Variants in ARHGAP10 observed in about 807,000 individuals in gnomAD.
ARHGAP10 encodes Rho GTPase activating protein 10.
ARHGAP10 carries 87 observed loss-of-function variants against 108.6 expected under a neutral mutation model. The observed-to-expected ratio is 0.80, with a 90% confidence interval of 0.67 to 0.96. The LOEUF is 0.96. ARHGAP10 is among the 40% of genes least tolerant of loss of function. The probability of loss-of-function intolerance (pLI) is 0.00; values close to 1 mark genes in which losing one functional copy is unlikely to be tolerated. For synonymous variants in ARHGAP10, 347 were observed against 341.1 expected (o/e 1.02, Z -0.19); for missense variants, 939 against 954.5 (o/e 0.98, Z 0.21).
At chr4:147,752,096 G>A (rs1443970076) in intron 1 of ARHGAP10, among the ~76,000 whole-genome samples, 1 of 152,060 alleles carries the variant, frequency 6.6e-6, no homozygotes, top group African/African-American at 2.4e-5. Flanking sequence ...TATTGGCCAG[G>A]ATGGTCTTGA....
chr4:147,914,143 T>C (rs1219908813), intron 13 of ARHGAP10, among the ~76,000 whole-genome samples: 3 of 152,086 alleles, frequency 2.0e-5, no homozygotes, highest in Non-Finnish European at 2.9e-5. Flanking sequence ...TAGAGCGAGA[T>C]TGCATCTCAA....
rs140577889 is a variant in ARHGAP10, at chr4:147,796,727, G to A, written c.155-26000G>A. Among the ~76,000 whole-genome samples, 624 of 152,054 alleles carry A rather than the reference G, an allele frequency of 4.1e-3. 5 individuals carry two copies. The highest frequency in any genetic ancestry group is 0.014 in the African/African-American group (583 of 41,460). ...TTTTTAGTAGAGACGGGGTTTCACC[G>A]TGTTAACCAGGATGGTCTCAATCTC... On this transcript the variant is annotated intron_variant, in intron 1 of 22. Coordinates refer to ENST00000336498, the MANE Select transcript of ARHGAP10 (RefSeq NM_024605.4).
intron 1 of ARHGAP10, among the ~76,000 whole-genome samples, chr4:147,820,627 A>G (rs1311660816): frequency 3.7e-5 from 3 of 82,152 alleles, no homozygotes; most frequent in South Asian, 4.1e-4. Flanking sequence ...GGGTCTCCCT[A>G]TTGCCTAGGC....
At chr4:148,042,279 A>G (rs1420058374) in intron 19 of ARHGAP10, among the ~76,000 whole-genome samples, 1 of 152,186 alleles carries the variant, frequency 6.6e-6, no homozygotes. Flanking sequence ...ATAACTGAAT[A>G]TCTTTTGAAG....
chr4:147,875,144 GA>G lies in ARHGAP10; in HGVS notation c.832del (p.Arg278GlyfsTer25), dbSNP rs1449430690. Reference protein sequence around the residue: ...FTAEGYLYVQEKRPAPFGSSW... With the variant: ...FTAEGYLYVQXKRPAPFGSSW... ...AGCCGAAGGCTACCTGTATGTCCAG[GA>G]AAAAAGTAAGAGGCCCTCCAGCAGT... On this transcript the variant is annotated frameshift_variant, in exon 8 of 23. Coordinates refer to ENST00000336498, the MANE Select transcript of ARHGAP10 (RefSeq NM_024605.4). LOFTEE classifies it high-confidence loss of function. 1 of 1,573,646 alleles carries G rather than the reference GA, an allele frequency of 6.4e-7. No homozygotes were observed. Among genetic ancestry groups the G allele is most frequent in the Non-Finnish European group, 8.6e-7 (1 of 1,168,048 alleles).
In ARHGAP10 at chr4:147,966,690, C is replaced by A; in HGVS notation, c.1567C>A (p.His523Asn). ...CCTTACCAATTTCAGTGTTTCAAAT[C>A]ACTCCAAGCAGAACCTGATGACTGT... ...LVKHLTNVSN[H>N]SKQNLMTVAN... is the part of the protein sequence containing the mutation. Residue 523 changes from histidine (H) to asparagine (N), a missense_variant, in exon 18 of 23, where the codon CAC becomes AAC. Coordinates refer to ENST00000336498, the MANE Select transcript of ARHGAP10 (RefSeq NM_024605.4). 6.4e-7 allele frequency: 1 copy of A among 1,564,060 alleles called. No individual in the cohort carries two copies. The highest frequency in any genetic ancestry group is 8.7e-7 in the Non-Finnish European group (1 of 1,149,872).
At chr4:147,845,831 C>G (rs1733607955) in intron 3 of ARHGAP10, among the ~76,000 whole-genome samples, 1 of 152,128 alleles carries the variant, frequency 6.6e-6, no homozygotes, top group Non-Finnish European at 1.5e-5. Flanking sequence ...GCTAGCACTT[C>G]TTGTATCTGT....
chr4:147,850,321 G>A (rs1454161589), intron 4 of ARHGAP10, among the ~76,000 whole-genome samples: 2 of 152,194 alleles, frequency 1.3e-5, no homozygotes, highest in Admixed American at 6.5e-5. Flanking sequence ...AGCCAGCAGG[G>A]GCAATGCTTG....
chr4:147,901,846 T>C (rs1048806405), intron 10 of ARHGAP10, among the ~76,000 whole-genome samples: 26 of 152,226 alleles, frequency 1.7e-4, no homozygotes, highest in Non-Finnish European at 2.9e-5. Context: ...GTGAAGAATA[T>C]ACAACCATCT....
chr4:147,754,980 G>A (rs144656636), intron 1 of ARHGAP10, among the ~76,000 whole-genome samples: 5,334 of 151,990 alleles, frequency 0.035, 203 homozygotes, highest in African/African-American at 0.083. Context: ...TACTTGAGAG[G>A]CTGAGGCAGG....
At chr4:147,811,619 G>A (rs1465689670) in intron 1 of ARHGAP10, among the ~76,000 whole-genome samples, 1 of 151,538 alleles carries the variant, frequency 6.6e-6, no homozygotes, top group African/African-American at 2.4e-5. Flanking sequence ...ACAAAACACT[G>A]GTTAAGGTTT....
chr4:147,831,890 G>T (rs1439489300), intron 3 of ARHGAP10, among the ~76,000 whole-genome samples: 1 of 152,120 alleles, frequency 6.6e-6, no homozygotes, highest in African/African-American at 2.4e-5. Flanking sequence ...CCCTTTCCCT[G>T]CAAGGCCTTG....
At chr4:147,969,050 T>A (rs1739305854) in intron 18 of ARHGAP10, among the ~76,000 whole-genome samples, 1 of 152,234 alleles carries the variant, frequency 6.6e-6, no homozygotes, top group Admixed American at 6.5e-5. Flanking sequence ...TATTAGGTGT[T>A]AATACTTATG....
At chr4:147,940,666 T>C (rs1738135100) in intron 14 of ARHGAP10, among the ~76,000 whole-genome samples, 4 of 152,160 alleles carry the variant, frequency 2.6e-5, no homozygotes. Context: ...ATACCTTACT[T>C]TAATTAATCA....
chr4:148,032,342 C>A (rs982084122), intron 19 of ARHGAP10, among the ~76,000 whole-genome samples: 3 of 74,054 alleles, frequency 4.1e-5, no homozygotes, highest in African/African-American at 1.8e-4. Flanking sequence ...CCCCCCCCCC[C>A]CCCCATATTG....
At chr4:148,045,085 T>C in intron 19 of ARHGAP10, among the ~76,000 whole-genome samples, 1 of 152,258 alleles carries the variant, frequency 6.6e-6, no homozygotes, top group South Asian at 2.1e-4. Flanking sequence ...ACTTATGAAA[T>C]AAAGAGCTCA....
chr4:147,817,265 G>A (rs1732288890), intron 1 of ARHGAP10, among the ~76,000 whole-genome samples: 1 of 152,094 alleles, frequency 6.6e-6, no homozygotes, highest in Non-Finnish European at 1.5e-5. Flanking sequence ...ACTTCATGAC[G>A]AGGGCTCAGG....
intron 18 of ARHGAP10, among the ~76,000 whole-genome samples, chr4:147,975,223 A>T (rs549606629): frequency 6.2e-4 from 94 of 152,146 alleles, no homozygotes; most frequent in African/African-American, 2.2e-3. Context: ...GTGACAGTGG[A>T]GGCCATTGTG....
At position 147,850,013 on chromosome 4, in the gene ARHGAP10, A is replaced by C. The variant is rs547571280; in HGVS notation, c.384+2791A>C. 9.2e-5 allele frequency among the ~76,000 whole-genome samples: 14 copies of C among 152,328 alleles called. No homozygotes were observed. In the East Asian group the frequency reaches 2.5e-3, roughly 27 times the overall value. On this transcript the variant is annotated intron_variant, in intron 4 of 22. Coordinates refer to ENST00000336498, the MANE Select transcript of ARHGAP10 (RefSeq NM_024605.4). ...CTAGCTAAAGGATTGTAAACGCACC[A>C]ATCAGCGCTCTGTATCTAGCCAAAG...
Sources: gnomAD v4.1 joint callset for allele counts (sites outside exome capture counted in the v4.1 genomes callset) on GRCh38, gnomAD v4.1.1 for gene constraint, MANE v1.5 for transcripts, NCBI Gene and HGNC (gene_info 2026-07-23, HGNC 2026-07-21) for gene names.